TGFBR2: variants seen among roughly 807,000 people sequenced by gnomAD.
TGFBR2 encodes the protein TGF-beta receptor type-2.
A neutral mutation model predicts 49.0 loss-of-function variants in TGFBR2; 18 were observed. The observed-to-expected ratio is 0.37, with a 90% CI of 0.25 to 0.54. The LOEUF is 0.54. Ranked by LOEUF, TGFBR2 falls within the 20% of genes least tolerant of loss-of-function variation. The pLI is 0.85. For missense variants in TGFBR2, 525 were observed against 722.6 expected (o/e 0.73, Z 3.13); for synonymous variants, 282 against 275.9 (o/e 1.02, Z -0.22).
At chr3:30,654,370 G>A (rs537682569) in intron 3 of TGFBR2, among the ~76,000 whole-genome samples, 89 of 152,168 alleles carry the variant, frequency 5.8e-4, no homozygotes, top group Admixed American at 1.2e-3. Context: ...TCTTTGAACC[G>A]GGTACCTACC....
rs1444024775 is a variant in TGFBR2, at chr3:30,688,422, C to T, written c.1435C>T (p.Arg479Trp). The change falls in exon 6 of 7, where the codon CGG becomes TGG. Residue 479 changes from arginine (R) to tryptophan (W), a missense_variant. Physicochemically the swap from Arg to Trp is moderately radical, Grantham distance 101. Coordinates refer to ENST00000295754, the MANE Select transcript of TGFBR2 (RefSeq NM_003242.6). ...TGAGCCTCCATTTGGTTCCAAGGTG[C>T]GGGAGCACCCCTGTGTCGAAAGCAT... ...DYEPPFGSKV[R>W]EHPCVESMKD... 2 of 1,614,066 alleles carry T rather than the reference C, an allele frequency of 1.2e-6. No individual in the cohort carries two copies. Among genetic ancestry groups the T allele is most frequent in the African/African-American group, 1.3e-5 (1 of 74,932 alleles).
At chr3:30,648,033 C>T (rs1698799342) in intron 2 of TGFBR2, among the ~76,000 whole-genome samples, 2 of 152,152 alleles carry the variant, frequency 1.3e-5, no homozygotes, top group South Asian at 2.1e-4. Context: ...ACAACCTCTT[C>T]AGTGGCTCAG....
intron 3 of TGFBR2, among the ~76,000 whole-genome samples, chr3:30,660,601 G>A (rs114640512): frequency 1.6e-4 from 25 of 152,266 alleles, no homozygotes; most frequent in African/African-American, 6.0e-4. Context: ...CCAAAATTAT[G>A]CCTTCGAAGG....
At chr3:30,688,606 A>T (rs1699663557) in intron 6 of TGFBR2, 95 bp downstream of exon 6, 14 of 1,550,660 alleles carry the variant, frequency 9.0e-6, no homozygotes, top group Non-Finnish European at 1.2e-5. Context: ...AATCTGAGGG[A>T]AGGTCCCATT....
chr3:30,628,205 A>G (rs1196578723), intron 1 of TGFBR2, among the ~76,000 whole-genome samples: 2 of 151,734 alleles, frequency 1.3e-5, no homozygotes, highest in Admixed American at 1.3e-4. Context: ...AATATGCTTA[A>G]AGTCTATGAG....
chr3:30,641,588 C>A (rs535150193), intron 1 of TGFBR2, among the ~76,000 whole-genome samples: 25 of 152,186 alleles, frequency 1.6e-4, no homozygotes, highest in African/African-American at 5.8e-4. Context: ...ATGTGGCATC[C>A]CTGGCTGGGT....
In TGFBR2 at chr3:30,623,226, A is replaced by G. The variant is rs146823197; in HGVS notation, c.94+16249A>G. 4 of 1,606,992 alleles carry G rather than the reference A, an allele frequency of 2.5e-6. No individual in the cohort carries two copies. In the African/African-American group the frequency reaches 5.3e-5, roughly 21 times the overall value. ...GTGGAAATGGAGGCCCAGAAAGATG[A>G]AATCATCTGCCCCAGCTGTAATAGG... On this transcript the variant is annotated intron_variant, in intron 1 of 6. Transcript: ENST00000295754.
chr3:30,635,155 A>G (rs1216377933), intron 1 of TGFBR2, among the ~76,000 whole-genome samples: 2 of 152,248 alleles, frequency 1.3e-5, no homozygotes, highest in Non-Finnish European at 2.9e-5. Flanking sequence ...TAGAGCTGAA[A>G]GAGCATGATT....
chr3:30,625,993 T>G (rs1698324954), intron 1 of TGFBR2, among the ~76,000 whole-genome samples: 1 of 152,198 alleles, frequency 6.6e-6, no homozygotes, highest in Admixed American at 6.5e-5. Context: ...CACGTTAGGA[T>G]CACCTGCGAA....
At chr3:30,642,026 G>T (rs911870839) in intron 1 of TGFBR2, among the ~76,000 whole-genome samples, 1 of 151,792 alleles carries the variant, frequency 6.6e-6, no homozygotes, top group Admixed American at 6.6e-5. Flanking sequence ...TAAACCACTT[G>T]CATTTGTCAA....
At chr3:30,619,684 C>G (rs1404055949) in intron 1 of TGFBR2, among the ~76,000 whole-genome samples, 2 of 152,144 alleles carry the variant, frequency 1.3e-5, no homozygotes, top group African/African-American at 2.4e-5. Flanking sequence ...CCACCTCCCC[C>G]CAAGTTTTAC....
Position 30,651,956 on chromosome 3 carries a change from C to T in TGFBR2, c.454+1496C>T, listed in dbSNP as rs112221293. ...ATGCTGGCTCTACACCCTATCTCTG[C>T]GGCCATGTGCATTCCACCTGCGAGA... On this transcript the variant is annotated intron_variant, in intron 3 of 6. Coordinates refer to ENST00000295754, the MANE Select transcript of TGFBR2 (RefSeq NM_003242.6). 5.3e-5 allele frequency among the ~76,000 whole-genome samples: 8 copies of T among 152,220 alleles called. No individual in the cohort carries two copies. In the South Asian group the frequency reaches 6.2e-4, roughly 12 times the overall value.
chr3:30,606,811 C>T lies in TGFBR2; in HGVS notation c.-73C>T, dbSNP rs753318931. 3.5e-6 allele frequency: 4 copies of T among 1,140,108 alleles called. No individual in the cohort carries two copies. Among genetic ancestry groups the T allele is most frequent in the Admixed American group, 4.0e-5 (1 of 25,286 alleles). 70.6% of individuals were successfully genotyped at this position (1,140,108 alleles called of 1,614,324 possible). A position where few individuals can be genotyped will look rare whatever the true frequency, so the allele number is the denominator to read the frequency against. ...GTCCGGAGAGGGCGCGGCGCGGAGG[C>T]GCAGCCAGGGGTCCGGGAAGGCGCC... On this transcript the variant is annotated 5_prime_UTR_variant, in exon 1 of 7. Coordinates refer to ENST00000295754, the MANE Select transcript of TGFBR2 (RefSeq NM_003242.6).
chr3:30,626,879 T>G (rs1698341094), intron 1 of TGFBR2: 1 of 152,184 alleles, frequency 6.6e-6, no homozygotes. Context: ...AGCCAGCAAT[T>G]ATCAGGTCAA....
At chr3:30,665,336 T>C (rs1358884421) in intron 3 of TGFBR2, among the ~76,000 whole-genome samples, 2 of 152,194 alleles carry the variant, frequency 1.3e-5, no homozygotes, top group Non-Finnish European at 2.9e-5. Context: ...ATTTACTAAG[T>C]AGACAAAAAT....
intron 1 of TGFBR2, chr3:30,623,143 C>A: frequency 1.1e-6 from 1 of 911,526 alleles, no homozygotes; most frequent in Non-Finnish European, 1.8e-6. Flanking sequence ...ACTTTCCTGT[C>A]ATCTGTAATT....
At chr3:30,631,328 C>A (rs1380295369) in intron 1 of TGFBR2, among the ~76,000 whole-genome samples, 1 of 152,140 alleles carries the variant, frequency 6.6e-6, no homozygotes, top group African/African-American at 2.4e-5. Flanking sequence ...GCGTGAGCCA[C>A]CGTGCCAGGC....
chr3:30,674,043 T>C (rs1699388356), intron 4 of TGFBR2, 62 bp from the exon 5 acceptor site: 9 of 1,608,236 alleles, frequency 5.6e-6, no homozygotes, highest in Non-Finnish European at 7.7e-6. Flanking sequence ...ATCAGCTATA[T>C]TGTGAAAATA....
chr3:30,675,165 G>A (rs1263527284), intron 5 of TGFBR2, among the ~76,000 whole-genome samples: 3 of 152,174 alleles, frequency 2.0e-5, no homozygotes, highest in Non-Finnish European at 4.4e-5. Flanking sequence ...GAGGACAGAT[G>A]CATGACACAT....
Sources: allele counts gnomAD v4.1 joint callset (sites outside exome capture counted in the v4.1 genomes callset), GRCh38; gene constraint gnomAD v4.1.1; transcripts MANE v1.5; gene names NCBI Gene and HGNC (gene_info 2026-07-23, HGNC 2026-07-21).